The following PUDP variants were observed in gnomAD, a reference collection of about 807,000 sequenced individuals.
PUDP encodes the protein pseudouridine 5'-phosphatase, also known as pseudouridine-5'-phosphatase.
In PUDP, 8 loss-of-function variants were observed where a neutral mutation model predicts 9.4. The observed-to-expected ratio is 0.85, with a 90% CI of 0.50 to 1.53. The LOEUF (loss-of-function observed/expected upper bound fraction) is 1.53, where lower values mean the gene tolerates loss of function less well. Among genes scored for constraint, PUDP ranks in the 40% most tolerant of loss-of-function variants. PUDP has a pLI of 0.00. For synonymous variants in PUDP, 99 were observed against 80.7 expected, an observed-to-expected ratio of 1.23 and a Z score of -1.22; for missense variants, 188 against 189.7, an observed-to-expected ratio of 0.99 and a Z score of 0.05.
chrX:6,974,103 A>G (rs1928918495), intron 3 of PUDP, among the ~76,000 whole-genome samples: 1 of 111,756 alleles, frequency 8.9e-6, no homozygotes, highest in African/African-American at 3.3e-5. Flanking sequence ...GTGTCTTTGC[A>G]TGTGAGATGG....
At chrX:6,881,421 G>A (rs2081239993) in intron 3 of PUDP, among the ~76,000 whole-genome samples, 1 of 111,539 alleles carries the variant, frequency 9.0e-6, no homozygotes, top group Non-Finnish European at 1.9e-5. Context: ...TGTTCCAGTG[G>A]TTCTTAGAGT....
In PUDP at chrX:6,959,385, G is replaced by A. The variant is rs73190781; in HGVS notation, c.*247+17748C>T. On this transcript the variant is annotated intron_variant and NMD_transcript_variant, in intron 3 of 3. Transcript: ENST00000655425. Reference sequence around the variant, plus strand: ...GTGCTCCTCAGGTGCCCCAGCTGTGGCTCAAGTGAGCCTAGGTTCAGCTTG... The same window carrying A: ...GTGCTCCTCAGGTGCCCCAGCTGTGACTCAAGTGAGCCTAGGTTCAGCTTG... Among the ~76,000 whole-genome samples, 827 of 111,914 alleles carry A rather than the reference G, an allele frequency of 7.4e-3. 6 individuals carry two copies. Among genetic ancestry groups the A allele is most frequent in the Non-Finnish European group, 0.013 (702 of 53,153 alleles).
At chrX:6,894,951 G>C (rs1221974856) in intron 3 of PUDP, among the ~76,000 whole-genome samples, 2 of 111,071 alleles carry the variant, frequency 1.8e-5, no homozygotes, top group African/African-American at 6.5e-5. Context: ...GGTGTGTTTG[G>C]TCTCCAGTAG....
chrX:6,971,782 T>A (rs1362814652), intron 3 of PUDP, among the ~76,000 whole-genome samples: 2 of 111,625 alleles, frequency 1.8e-5, no homozygotes, highest in Admixed American at 9.5e-5. Flanking sequence ...GGGGATAGCA[T>A]TGAATCTATA....
At chrX:6,910,749 A>C (rs768034764) in intron 3 of PUDP, among the ~76,000 whole-genome samples, 1 of 112,322 alleles carries the variant, frequency 8.9e-6, no homozygotes, top group African/African-American at 3.2e-5. Context: ...CACACCTGCA[A>C]AAATCACAGA....
intron 3 of PUDP, among the ~76,000 whole-genome samples, chrX:6,774,829 G>A (rs1450765516): frequency 8.9e-6 from 1 of 112,325 alleles, no homozygotes; most frequent in Non-Finnish European, 1.9e-5. Context: ...AATCCTACCA[G>A]ATCTGGGGTT....
At chrX:6,860,444 A>G (rs972852197) in intron 3 of PUDP, among the ~76,000 whole-genome samples, 21 of 104,316 alleles carry the variant, frequency 2.0e-4, no homozygotes, top group Admixed American at 9.6e-4. Flanking sequence ...CTCCAAGCCC[A>G]TGTTTTTCTG....
At chrX:7,126,452 C>T (rs1335022977) in intron 1 of PUDP, among the ~76,000 whole-genome samples, 13 of 111,689 alleles carry the variant, frequency 1.2e-4, no homozygotes, top group Non-Finnish European at 2.3e-4. Context: ...TTGCTAGGGC[C>T]GCCATCACAA....
intron 3 of PUDP, among the ~76,000 whole-genome samples, chrX:6,735,613 C>T (rs1379351168): frequency 8.9e-6 from 1 of 111,953 alleles, no homozygotes; most frequent in East Asian, 2.8e-4. Context: ...TAAAATATTA[C>T]TAACAACTGC....
chrX:6,823,888 C>T (rs61277047), intron 3 of PUDP, among the ~76,000 whole-genome samples: 10,012 of 111,980 alleles, frequency 0.089, 571 homozygotes, highest in East Asian at 0.45. Flanking sequence ...GATGGGAGTG[C>T]GTTTTAGCAT....
chrX:7,105,175 CTT>C (rs202027557), intron 2 of PUDP, among the ~76,000 whole-genome samples: 11 of 98,043 alleles, frequency 1.1e-4, no homozygotes, highest in African/African-American at 7.4e-5. Flanking sequence ...CGACTTTTTA[CTT>C]TTTTTTTTTT....
intron 1 of PUDP, among the ~76,000 whole-genome samples, chrX:6,987,685 A>T (rs191370119): frequency 8.9e-6 from 1 of 112,412 alleles, no homozygotes; most frequent in Admixed American, 9.4e-5. Context: ...CCCATTCATG[A>T]CATACTGTCC....
chrX:6,953,485 C>CA (rs1555919210), intron 3 of PUDP, among the ~76,000 whole-genome samples: 1 of 106,264 alleles, frequency 9.4e-6, no homozygotes, highest in Non-Finnish European at 1.9e-5. Flanking sequence ...TAATACACCA[C>CA]TTTTTTTTTC....
At chrX:6,770,955 C>CGGAG (rs758557393) in intron 3 of PUDP, among the ~76,000 whole-genome samples, 2 of 111,721 alleles carry the variant, frequency 1.8e-5, no homozygotes, top group African/African-American at 6.5e-5. Context: ...TCAACCTCTC[C>CGGAG]CCCTTCTAAT....
At chrX:6,998,006 G>GTATC (rs947658420) in intron 1 of PUDP, among the ~76,000 whole-genome samples, 2 of 112,056 alleles carry the variant, frequency 1.8e-5, no homozygotes, top group Non-Finnish European at 3.8e-5. Flanking sequence ...TAGAAGGATT[G>GTATC]TATCTCCTTT....
intron 1 of PUDP, among the ~76,000 whole-genome samples, chrX:7,122,127 A>G (rs1414717360): frequency 1.8e-5 from 2 of 110,950 alleles, no homozygotes; most frequent in African/African-American, 6.6e-5. Context: ...GTTCGAGGCT[A>G]CAGTCAGCTA....
intron 1 of PUDP, among the ~76,000 whole-genome samples, chrX:6,998,225 G>A (rs1929276398): frequency 9.0e-6 from 1 of 111,369 alleles, no homozygotes; most frequent in Non-Finnish European, 1.9e-5. Flanking sequence ...GGGAATCAGA[G>A]CTGCCAATTT....
intron 1 of PUDP, among the ~76,000 whole-genome samples, chrX:7,008,933 C>T (rs1929440001): frequency 8.9e-6 from 1 of 112,230 alleles, no homozygotes; most frequent in South Asian, 3.7e-4. Context: ...TACTACTTAA[C>T]TATTTACATT....
chrX:6,722,370 G>A (rs1273976987), upstream of PUDP, among the ~76,000 whole-genome samples: 1 of 109,467 alleles, frequency 9.1e-6, no homozygotes, highest in Non-Finnish European at 1.9e-5. Flanking sequence ...ACTTGAACCC[G>A]GGAGGCAGAG....
Sources: gnomAD v4.1 joint callset for allele counts (sites outside exome capture counted in the v4.1 genomes callset) on GRCh38, gnomAD v4.1.1 for gene constraint, MANE v1.5 for transcripts, NCBI Gene and HGNC (gene_info 2026-07-23, HGNC 2026-07-21) for gene names.